The following ABI1 variants were observed in gnomAD, a reference collection of about 807,000 sequenced individuals.
ABI1 encodes the protein abl interactor 1.
Under a neutral mutation model 54.6 loss-of-function variants are expected in ABI1, and 14 were observed. The observed-to-expected ratio is 0.26, with a 90% CI of 0.17 to 0.40. The LOEUF (loss-of-function observed/expected upper bound fraction) is 0.40, where lower values mean the gene tolerates loss of function less well. Among genes scored for constraint, ABI1 ranks in the 10% least tolerant of loss-of-function variants. The pLI is 1.00. For synonymous variants in ABI1, 194 were observed against 209.3 expected (o/e 0.93, Z 0.63); for missense variants, 443 against 598.3 (o/e 0.74, Z 2.71).
intron 2 of ABI1, among the ~76,000 whole-genome samples, chr10:26,822,009 C>T (rs1419162587): frequency 6.6e-6 from 1 of 152,106 alleles, no homozygotes; most frequent in Non-Finnish European, 1.5e-5. Flanking sequence ...AGATGGAATA[C>T]TGCCCATTAC....
At chr10:26,785,429 A>T (rs755952564) in intron 2 of ABI1, among the ~76,000 whole-genome samples, 1 of 152,178 alleles carries the variant, frequency 6.6e-6, no homozygotes, top group African/African-American at 2.4e-5. Flanking sequence ...TACAATAAAG[A>T]TATCATCTCC....
intron 2 of ABI1, among the ~76,000 whole-genome samples, chr10:26,812,974 C>T (rs115328748): frequency 3.0e-4 from 46 of 152,168 alleles, no homozygotes; most frequent in African/African-American, 9.9e-4. Context: ...AATGGCCAGA[C>T]GTGGTGGCTC....
At chr10:26,855,636 C>T (rs1010540596) in intron 1 of ABI1, among the ~76,000 whole-genome samples, 1 of 152,156 alleles carries the variant, frequency 6.6e-6, no homozygotes, top group African/African-American at 2.4e-5. Flanking sequence ...TTCTCTATTA[C>T]CCTCTGCGCA....
At chr10:26,806,267 T>G (rs2046870853) in intron 2 of ABI1, among the ~76,000 whole-genome samples, 2 of 152,212 alleles carry the variant, frequency 1.3e-5, no homozygotes, top group Admixed American at 1.3e-4. Context: ...CTGGATACAA[T>G]TTCTGATCTA....
chr10:26,785,956 G>C (rs1204333383), intron 2 of ABI1, among the ~76,000 whole-genome samples: 2 of 152,084 alleles, frequency 1.3e-5, no homozygotes, highest in Non-Finnish European at 2.9e-5. Flanking sequence ...TCTGCCTCCA[G>C]TTATTCTCAT....
chr10:26,758,145 T>C (rs1302867177), intron 8 of ABI1, among the ~76,000 whole-genome samples: 3 of 146,914 alleles, frequency 2.0e-5, no homozygotes, highest in African/African-American at 7.5e-5. Context: ...TCATTATAAA[T>C]AAAAAGAACT....
chr10:26,803,896 C>T (rs10829069), intron 2 of ABI1, among the ~76,000 whole-genome samples: 22,452 of 151,478 alleles, frequency 0.15, 2,175 homozygotes, highest in African/African-American at 0.28. Flanking sequence ...GAAAGAATAG[C>T]CATTAAATAA....
chr10:26,786,399 G>A (rs1486620286), intron 2 of ABI1, among the ~76,000 whole-genome samples: 1 of 152,000 alleles, frequency 6.6e-6, no homozygotes, highest in Non-Finnish European at 1.5e-5. Flanking sequence ...ATGTTTTGTA[G>A]AGACGGGGCT....
intron 2 of ABI1, among the ~76,000 whole-genome samples, chr10:26,794,068 C>T (rs554115139): frequency 5.9e-5 from 9 of 152,084 alleles, no homozygotes; most frequent in South Asian, 2.1e-4. Context: ...CATGGTGAAA[C>T]GCCATCTCTA....
intron 3 of ABI1, among the ~76,000 whole-genome samples, chr10:26,771,519 T>C (rs1378439636): frequency 1.3e-5 from 2 of 152,182 alleles, no homozygotes; most frequent in Non-Finnish European, 2.9e-5. Context: ...CAAGTATGAG[T>C]ATTCATTACT....
intron 7 of ABI1, chr10:26,763,802 G>A (rs1839543531): frequency 1.6e-6 from 2 of 1,286,096 alleles, no homozygotes; most frequent in Non-Finnish European, 2.3e-6. Flanking sequence ...ATAAAAGCCA[G>A]CACTCTACTA....
At chr10:26,845,146 TA>T (rs57494089) in intron 1 of ABI1, among the ~76,000 whole-genome samples, 10,357 of 145,974 alleles carry the variant, frequency 0.071, 380 homozygotes, top group East Asian at 0.14. Flanking sequence ...CTAAATGCTT[TA>T]AAAAAAAAAA....
At chr10:26,769,631 T>C (rs1840402001) in intron 5 of ABI1, among the ~76,000 whole-genome samples, 1 of 152,204 alleles carries the variant, frequency 6.6e-6, no homozygotes, top group Non-Finnish European at 1.5e-5. Flanking sequence ...AATATAATGC[T>C]TTGACAAGTA....
intron 1 of ABI1, among the ~76,000 whole-genome samples, chr10:26,830,647 CT>C (rs1195276211): frequency 6.8e-6 from 1 of 146,140 alleles, no homozygotes; most frequent in African/African-American, 2.5e-5. Context: ...AAAAACAAAA[CT>C]ACCAAACTAT....
intron 2 of ABI1, among the ~76,000 whole-genome samples, chr10:26,818,516 A>G (rs1474328461): frequency 6.6e-6 from 1 of 151,600 alleles, no homozygotes; most frequent in Non-Finnish European, 1.5e-5. Flanking sequence ...AGGCTGAGAC[A>G]TAAGAATCAC....
intron 1 of ABI1, among the ~76,000 whole-genome samples, chr10:26,848,503 C>T (rs1474984748): frequency 6.6e-6 from 1 of 151,256 alleles, no homozygotes; most frequent in Non-Finnish European, 1.5e-5. Flanking sequence ...AGCAGCAAAT[C>T]AGTTTCAAAA....
chr10:26,770,425 A>T (rs1840539208), intron 4 of ABI1, 80 bp from the exon 5 acceptor site: 7 of 1,297,390 alleles, frequency 5.4e-6, no homozygotes, highest in African/African-American at 4.4e-5. Flanking sequence ...TATTTTTTTT[A>T]AATATCAGAA....
Position 26,860,115 on chromosome 10 carries a change from C to CCTCCT in ABI1, c.117+627_117+631dup, listed in dbSNP as rs2134408115. 6.6e-6 allele frequency among the ~76,000 whole-genome samples: 1 copy of CCTCCT among 152,322 alleles called. No individual in the cohort carries two copies. The highest frequency in any genetic ancestry group is 1.5e-5 in the Non-Finnish European group (1 of 68,024). Reference sequence around the variant, plus strand: ...CCTCCCTCACTCCCCACACCCGCTTCCTCCTCTCCTCCGGGAGGTCGGTGT... The same window carrying CCTCCT: ...CCTCCCTCACTCCCCACACCCGCTTCCTCCTCTCCTCTCCTCCGGGAGGTCGGTGT... On this transcript the variant is annotated intron_variant, in intron 1 of 10. Coordinates refer to ENST00000376140, the MANE Select transcript of ABI1 (RefSeq NM_001012750.3). The surrounding 1 kb of genome is among the most constrained non-coding windows in gnomAD (Gnocchi z 4.1).
At chr10:26,813,862 A>C in intron 2 of ABI1, among the ~76,000 whole-genome samples, 1 of 152,250 alleles carries the variant, frequency 6.6e-6, no homozygotes, top group Non-Finnish European at 1.5e-5. Flanking sequence ...TGAGTTAAAT[A>C]CTTTTTAAAT....
Sources: allele counts gnomAD v4.1 joint callset (sites outside exome capture counted in the v4.1 genomes callset), GRCh38; gene constraint gnomAD v4.1.1; non-coding constraint Gnocchi (gnomAD v3.1); transcripts MANE v1.5; gene names NCBI Gene and HGNC (gene_info 2026-07-23, HGNC 2026-07-21).